The following ANKRD17 variants were observed in gnomAD, a reference collection of about 807,000 sequenced individuals.
The protein encoded by ANKRD17 is ankyrin repeat domain-containing protein 17.
In ANKRD17, 19 loss-of-function variants were observed where a neutral mutation model predicts 229.7. The observed-to-expected ratio is 0.08, with a 90% CI of 0.06 to 0.12. The LOEUF is 0.12. Ranked by LOEUF, ANKRD17 falls within the 10% of genes least tolerant of loss-of-function variation. The probability of loss-of-function intolerance (pLI) is 1.00; values close to 1 mark genes in which losing one functional copy is unlikely to be tolerated. For missense variants in ANKRD17, 2,176 were observed against 3,176.8 expected, an observed-to-expected ratio of 0.68 and a Z score of 7.57; for synonymous variants, 1,112 against 1,146.1, an observed-to-expected ratio of 0.97 and a Z score of 0.60.
intron 1 of ANKRD17, among the ~76,000 whole-genome samples, chr4:73,228,887 T>C (rs1742769452): frequency 6.6e-6 from 1 of 152,140 alleles, no homozygotes; most frequent in Non-Finnish European, 1.5e-5. Context: ...CCAACCCAAA[T>C]GTCCAACAAT....
chr4:73,232,268 G>C (rs1453536177), intron 1 of ANKRD17, among the ~76,000 whole-genome samples: 1 of 152,122 alleles, frequency 6.6e-6, no homozygotes, highest in Non-Finnish European at 1.5e-5. Flanking sequence ...GACATACCTT[G>C]CCTCCAGTAG....
intron 6 of ANKRD17, among the ~76,000 whole-genome samples, chr4:73,153,004 G>T (rs141535072): frequency 5.5e-4 from 84 of 152,008 alleles, no homozygotes; most frequent in African/African-American, 1.9e-3. Context: ...ATTCCAAAAG[G>T]CATCATACAA....
chr4:73,179,780 TTAAAGGTAG>T (rs1437491750), intron 1 of ANKRD17, among the ~76,000 whole-genome samples: 1 of 151,638 alleles, frequency 6.6e-6, no homozygotes, highest in Non-Finnish European at 1.5e-5. Context: ...TAAGTTATCT[TTAAAGGTAG>T]TAGTAAAAGT....
intron 1 of ANKRD17, among the ~76,000 whole-genome samples, chr4:73,244,380 T>C (rs1272569115): frequency 6.6e-6 from 1 of 152,116 alleles, no homozygotes; most frequent in Non-Finnish European, 1.5e-5. Context: ...CCAATAAAAC[T>C]TTCTGTGATG....
rs181347923 is a variant in ANKRD17, at chr4:73,223,137, C to T, written c.393+35139G>A. ...GGAAATGGAATGTTCTATTACATGC[C>T]TAAAGCAGCTTAGCTGTTCACTAGC... is the stretch of plus-strand genomic sequence containing the variant. On this transcript the variant is annotated intron_variant, in intron 1 of 33. Coordinates refer to ENST00000358602, the MANE Select transcript of ANKRD17 (RefSeq NM_032217.5). The T allele has an allele frequency of 2.5e-5, 30 of 1,221,972 alleles. No homozygotes were observed. The East Asian group carries it at 7.0e-4, about 28-fold the overall frequency. The allele number at this position is 1,221,972 out of a possible 1,614,324, so 75.7% of individuals were successfully genotyped here. A position where few individuals can be genotyped will look rare whatever the true frequency, so the allele number is the denominator to read the frequency against.
At chr4:73,118,567 C>T in intron 22 of ANKRD17, 121 bp downstream of exon 22, 1 of 1,072,792 alleles carries the variant, frequency 9.3e-7, no homozygotes, top group Non-Finnish European at 1.4e-6. Context: ...TAATTATTTG[C>T]ATATTATTGC....
At chr4:73,256,710 G>GA in intron 1 of ANKRD17, among the ~76,000 whole-genome samples, 1 of 152,088 alleles carries the variant, frequency 6.6e-6, no homozygotes, top group East Asian at 1.9e-4. Context: ...TTTTATTAGG[G>GA]ATAAGGACCC....
chr4:73,190,198 G>T (rs1230480531), intron 1 of ANKRD17, among the ~76,000 whole-genome samples: 2 of 151,958 alleles, frequency 1.3e-5, no homozygotes, highest in African/African-American at 4.8e-5. Flanking sequence ...GCGAAATCTT[G>T]TCTCTACTAA....
chr4:73,146,339 A>T (rs1028525325), intron 10 of ANKRD17, among the ~76,000 whole-genome samples: 1 of 152,144 alleles, frequency 6.6e-6, no homozygotes, highest in African/African-American at 2.4e-5. Flanking sequence ...TTGAGGGAAA[A>T]GTTTATTATT....
At chr4:73,155,934 T>C in intron 4 of ANKRD17, 85 bp downstream of exon 4, 1 of 1,503,078 alleles carries the variant, frequency 6.7e-7, no homozygotes, top group Non-Finnish European at 8.9e-7. Flanking sequence ...TCCTAATGGT[T>C]GGAAGGATTT....
intron 1 of ANKRD17, among the ~76,000 whole-genome samples, chr4:73,252,119 T>C (rs1745082374): frequency 6.6e-6 from 1 of 152,208 alleles, no homozygotes. Context: ...TTATTCTTAC[T>C]ACAGAGATGG....
In ANKRD17 at chr4:73,252,977, G is replaced by A. The variant is rs72663026; in HGVS notation, c.393+5299C>T. Among the ~76,000 whole-genome samples the A allele has an allele frequency of 1.6e-3, 249 of 152,214 alleles. 1 individual carries two copies. The highest frequency in any genetic ancestry group is 2.0e-3 in the Non-Finnish European group (137 of 67,992). On this transcript the variant is annotated intron_variant, in intron 1 of 33. Transcript: ENST00000358602. ...AAAAGCGTCTCCCCTTATACAAGCC[G>A]AATGTGCCAATATCTGAAATATGGT...
intron 29 of ANKRD17, among the ~76,000 whole-genome samples, chr4:73,086,043 C>G (rs963724497): frequency 5.9e-5 from 9 of 152,154 alleles, no homozygotes; most frequent in African/African-American, 2.2e-4. Context: ...ACAATTATCA[C>G]ATTATACTCT....
At chr4:73,125,374 TAATATGCA>T in intron 16 of ANKRD17, 62 bp from the exon 17 acceptor site, 1 of 1,126,466 alleles carries the variant, frequency 8.9e-7, no homozygotes, top group South Asian at 1.4e-5. Context: ...ATCAAATACA[TAATATGCA>T]AACATATCAA....
chr4:73,121,353 T>TAAGTTATTAGGATAAA (rs1726694290), intron 19 of ANKRD17, among the ~76,000 whole-genome samples: 5 of 152,200 alleles, frequency 3.3e-5, no homozygotes, highest in Admixed American at 3.3e-4. Flanking sequence ...AAACTTTCAA[T>TAAGTTATTAGGATAAA]CTTAAAGCAT....
intron 25 of ANKRD17, chr4:73,101,194 G>A (rs1475559797): frequency 1.0e-6 from 1 of 970,620 alleles, no homozygotes; most frequent in Non-Finnish European, 1.2e-6. Context: ...AAAGGGACAG[G>A]ATTACTATAC....
At chr4:73,137,481 G>T (rs899719019) in intron 15 of ANKRD17, among the ~76,000 whole-genome samples, 1 of 152,070 alleles carries the variant, frequency 6.6e-6, no homozygotes, top group African/African-American at 2.4e-5. Context: ...GACTAATGAG[G>T]CTGTAATATA....
chr4:73,138,355 AT>A (rs1729172844), intron 15 of ANKRD17, among the ~76,000 whole-genome samples: 1 of 152,128 alleles, frequency 6.6e-6, no homozygotes, highest in Non-Finnish European at 1.5e-5. Flanking sequence ...TCCACATGTT[AT>A]AACTACTGAG....
In ANKRD17 at chr4:73,119,212, G is replaced by T. The variant is rs562917747; in HGVS notation, c.4026-362C>A. The stretch of plus-strand genomic sequence containing the variant: ...AGCATTGTCTTAAATAGAATGAAAT[G>T]ACACAGTAACAAAAATCAACTATCA... On this transcript the variant is annotated intron_variant, in intron 21 of 33. Coordinates refer to ENST00000358602, the MANE Select transcript of ANKRD17 (RefSeq NM_032217.5). Among the ~76,000 whole-genome samples the T allele has an allele frequency of 2.0e-5, 3 of 152,114 alleles. No homozygotes were observed. The East Asian group carries it at 5.8e-4, about 29-fold the overall frequency.
Sources: gnomAD v4.1 joint callset for allele counts (sites outside exome capture counted in the v4.1 genomes callset) on GRCh38, gnomAD v4.1.1 for gene constraint, MANE v1.5 for transcripts, NCBI Gene and HGNC (gene_info 2026-07-23, HGNC 2026-07-21) for gene names.